The following ZRANB1 variants were observed in gnomAD, a reference collection of about 807,000 sequenced individuals.
ZRANB1 encodes the protein zinc finger RANBP2-type containing 1.
Under a neutral mutation model 80.5 loss-of-function variants are expected in ZRANB1, and 16 were observed. The observed-to-expected ratio is 0.20, with a 90% confidence interval of 0.13 to 0.30. The LOEUF is 0.30. Ranked by LOEUF, ZRANB1 falls within the 10% of genes least tolerant of loss-of-function variation. The pLI is 1.00. For missense variants in ZRANB1, 576 were observed against 862.6 expected (o/e 0.67, Z 4.16); for synonymous variants, 291 against 293.1 (o/e 0.99, Z 0.07).
chr10:124,972,814 G>C (rs1386048448), intron 3 of ZRANB1, among the ~76,000 whole-genome samples: 1 of 149,382 alleles, frequency 6.7e-6, no homozygotes, highest in African/African-American at 2.5e-5. Flanking sequence ...GTCTTGCTCT[G>C]TTGCCCAGGC....
At chr10:124,930,505 A>G in the ZRANB1 span, among the ~76,000 whole-genome samples, 2 of 152,190 alleles carry the variant, frequency 1.3e-5, no homozygotes, top group Non-Finnish European at 2.9e-5. Flanking sequence ...ACCTTAGGTG[A>G]TCCGCCTGCC....
At chr10:124,936,515 G>T in the ZRANB1 span, among the ~76,000 whole-genome samples, 1 of 152,094 alleles carries the variant, frequency 6.6e-6, no homozygotes, top group Non-Finnish European at 1.5e-5. Context: ...GTTTAATGGA[G>T]GATTTGATAA....
chr10:124,945,627 G>A (rs898105195), intron 1 of ZRANB1: 2 of 152,094 alleles, frequency 1.3e-5, no homozygotes, highest in Non-Finnish European at 2.9e-5. Context: ...CTTCAAGTCA[G>A]TGGATCTCAG....
At position 124,984,871 on chromosome 10, in the gene ZRANB1, G is replaced by C; in HGVS notation, c.2006G>C (p.Arg669Pro). Residue 669 changes from arginine (R) to proline (P), a missense_variant, in exon 9 of 9, where the codon CGG becomes CCG. Arg to Pro is a moderately radical substitution (Grantham distance 103). Coordinates refer to ENST00000359653, the MANE Select transcript of ZRANB1 (RefSeq NM_017580.3). ...CTGGTTGCCATGCAGAAGAGTTCTC[G>C]GCGGCGAAATCACCCCCTGGTCACT... Reference protein sequence around the residue: ...GVLVAMQKSSRRRNHPLVTQM... With the variant: ...GVLVAMQKSSPRRNHPLVTQM... 1.2e-6 allele frequency: 2 copies of C among 1,613,984 alleles called. No homozygotes were observed. The highest frequency in any genetic ancestry group is 1.7e-6 in the Non-Finnish European group (2 of 1,180,000).
intron 5 of ZRANB1, among the ~76,000 whole-genome samples, chr10:124,977,615 G>A (rs1040970179): frequency 3.3e-5 from 5 of 151,266 alleles, no homozygotes; most frequent in African/African-American, 1.2e-4. Context: ...GGAGGCTGAG[G>A]TGGAAGGATT....
intron 1 of ZRANB1, among the ~76,000 whole-genome samples, chr10:124,956,762 A>T (rs1209749278): frequency 6.6e-6 from 1 of 152,156 alleles, no homozygotes; most frequent in African/African-American, 2.4e-5. Context: ...ATGAACCACC[A>T]TGCCTGGCCC....
intron 2 of ZRANB1, among the ~76,000 whole-genome samples, chr10:124,970,629 A>T (rs1951815548): frequency 6.6e-6 from 1 of 152,162 alleles, no homozygotes; most frequent in Non-Finnish European, 1.5e-5. Flanking sequence ...TTATTTCTTT[A>T]ATAGCAATAG....
At chr10:124,933,812 C>T in the ZRANB1 span, among the ~76,000 whole-genome samples, 1 of 152,212 alleles carries the variant, frequency 6.6e-6, no homozygotes, top group Non-Finnish European at 1.5e-5. Context: ...ACCTGTATTA[C>T]ACCCGCTCAC....
At chr10:124,931,414 A>G in the ZRANB1 span, among the ~76,000 whole-genome samples, 2 of 151,960 alleles carry the variant, frequency 1.3e-5, no homozygotes, top group African/African-American at 4.8e-5. Context: ...TCTGTTGCCC[A>G]GGCTGGAGTG....
Position 124,943,002 on chromosome 10 carries a change from T to G in ZRANB1, c.509T>G (p.Val170Gly), listed in dbSNP as rs1180048511. The change falls in exon 1 of 9, where the codon GTT (valine) becomes GGT (glycine). Residue 170 changes from valine (V) to glycine (G), a missense_variant. By Grantham distance (109) the Val-to-Gly change is moderately radical. Transcript: ENST00000359653. Reference protein sequence around the residue: ...YENWAKAKRCVVCDHPRPNNI... With the variant: ...YENWAKAKRCGVCDHPRPNNI... ...AACTGGGCCAAGGCTAAAAGATGTG[T>G]TGTTTGTGATCATCCCAGACCTAAT... 5 of 1,614,214 alleles carry G rather than the reference T, an allele frequency of 3.1e-6. No individual in the cohort carries two copies. Among genetic ancestry groups the G allele is most frequent in the Non-Finnish European group, 4.2e-6 (5 of 1,180,044 alleles).
the ZRANB1 span, among the ~76,000 whole-genome samples, chr10:124,927,267 A>G: frequency 6.6e-6 from 1 of 152,164 alleles, no homozygotes; most frequent in African/African-American, 2.4e-5. Flanking sequence ...GTAATTCTCA[A>G]CTGTAAGTTG....
At chr10:124,928,866 A>G in the ZRANB1 span, among the ~76,000 whole-genome samples, 1 of 152,252 alleles carries the variant, frequency 6.6e-6, no homozygotes, top group Non-Finnish European at 1.5e-5. Context: ...TATCTCAATG[A>G]CAAGAATGAT....
At chr10:124,954,073 T>TCTC (rs765587148) in intron 1 of ZRANB1, among the ~76,000 whole-genome samples, 2 of 150,992 alleles carry the variant, frequency 1.3e-5, no homozygotes, top group Non-Finnish European at 2.9e-5. Context: ...CTCAAGTGAT[T>TCTC]CTCCCACTTT....
Position 124,952,458 on chromosome 10 carries a change from A to G in ZRANB1, c.814+9151A>G, listed in dbSNP as rs540452273. 3.9e-5 allele frequency among the ~76,000 whole-genome samples: 6 copies of G among 152,222 alleles called. No homozygotes were observed. The South Asian group carries it at 8.3e-4, about 21-fold the overall frequency. On this transcript the variant is annotated intron_variant, in intron 1 of 8. Coordinates refer to ENST00000359653, the MANE Select transcript of ZRANB1 (RefSeq NM_017580.3). ...CATGAAGGAGCACAGCCTTCCCAAC[A>G]CCTTGATTTTAGCTCAGTGAGAGCC...
intron 5 of ZRANB1, 58 bp downstream of exon 5, chr10:124,974,456 TGTA>T: frequency 1.9e-6 from 3 of 1,558,324 alleles, no homozygotes; most frequent in Non-Finnish European, 2.6e-6. Context: ...ATTATTTCCT[TGTA>T]GTGGTGGGAT....
chr10:124,921,799 C>T, the ZRANB1 span, among the ~76,000 whole-genome samples: 1 of 151,596 alleles, frequency 6.6e-6, no homozygotes, highest in Admixed American at 6.6e-5. Context: ...GATTTCACCA[C>T]CTGAAAAATC....
chr10:124,939,932 A>G (rs1452529558), upstream of ZRANB1, among the ~76,000 whole-genome samples: 1 of 150,756 alleles, frequency 6.6e-6, no homozygotes, highest in East Asian at 2.0e-4. Context: ...AACTAAATTT[A>G]AAAATTTAAA....
the ZRANB1 span, among the ~76,000 whole-genome samples, chr10:124,922,866 T>A: frequency 1.3e-5 from 2 of 152,056 alleles, no homozygotes; most frequent in South Asian, 2.1e-4. Flanking sequence ...ATGAAAAAAA[T>A]AAACTACTAC....
Position 124,942,787 on chromosome 10 carries a change from G to A in ZRANB1, c.294G>A (p.Trp98Ter). ...GCCACATGTGTACATATTTGAACTG[G>A]CCAAGAGCAATCAGATGTACCCAGT... Reference protein sequence around the residue: ...WSCHMCTYLNWPRAIRCTQCL... With the variant: ...WSCHMCTYLN The change falls in exon 1 of 9, where the codon TGG becomes TGA. Residue 98 changes from tryptophan to a stop codon, truncating the protein, a stop_gained. Coordinates refer to ENST00000359653, the MANE Select transcript of ZRANB1 (RefSeq NM_017580.3). LOFTEE classifies it high-confidence loss of function. 6.2e-7 allele frequency: 1 copy of A among 1,614,162 alleles called. No homozygotes were observed. The highest frequency in any genetic ancestry group is 8.5e-7 in the Non-Finnish European group (1 of 1,180,028).
Sources: allele counts gnomAD v4.1 joint callset (sites outside exome capture counted in the v4.1 genomes callset), GRCh38; gene constraint gnomAD v4.1.1; transcripts MANE v1.5; gene names NCBI Gene and HGNC (gene_info 2026-07-23, HGNC 2026-07-21).